PINX1: variants seen among roughly 807,000 people sequenced by gnomAD.
The protein encoded by PINX1 is PIN2/TERF1-interacting telomerase inhibitor 1.
PINX1 carries 34 observed loss-of-function variants against 25.4 expected under a neutral mutation model. The observed-to-expected ratio is 1.34, with a 90% CI of 1.02 to 1.78. PINX1 has a LOEUF of 1.78. Among genes scored for constraint, PINX1 ranks in the 40% most tolerant of loss-of-function variants. The probability of loss-of-function intolerance (pLI) is 0.00; values close to 1 mark genes in which losing one functional copy is unlikely to be tolerated. For synonymous variants in PINX1, 197 were observed against 147.7 expected, an observed-to-expected ratio of 1.33 and a Z score of -2.42; for missense variants, 592 against 404.9, an observed-to-expected ratio of 1.46 and a Z score of -3.97.
chr8:10,831,646 T>G lies in PINX1; in HGVS notation c.301+19A>C, dbSNP rs367930316. On this transcript the variant is annotated intron_variant, in intron 4 of 6. Transcript: ENST00000314787. ...TAAACATATTTGCATTGAGAACTTATGTCATCTGATTTCCCTACCTGTGGT... is the reference window on the plus strand; with the variant it reads ...TAAACATATTTGCATTGAGAACTTAGGTCATCTGATTTCCCTACCTGTGGT... The G allele has an allele frequency of 3.3e-6, 5 of 1,511,596 alleles. No individual in the cohort carries two copies. The highest frequency in any genetic ancestry group is 1.7e-4 in the Middle Eastern group (1 of 5,898). The allele number at this position is 1,511,596 out of a possible 1,614,324, so 93.6% of individuals were successfully genotyped here.
At chr8:10,800,684 G>A (rs1039869778) in intron 6 of PINX1, among the ~76,000 whole-genome samples, 2 of 152,064 alleles carry the variant, frequency 1.3e-5, no homozygotes, top group African/African-American at 4.8e-5. Context: ...TGGCCAGGCT[G>A]GTCTTGAACT....
chr8:10,828,652 G>C (rs1453331197), intron 4 of PINX1, among the ~76,000 whole-genome samples: 3 of 152,176 alleles, frequency 2.0e-5, no homozygotes, highest in African/African-American at 7.2e-5. Flanking sequence ...GTATCAAGAA[G>C]GATGCGTGAG....
At chr8:10,776,973 A>C (rs1801416400) in intron 6 of PINX1, among the ~76,000 whole-genome samples, 1 of 152,244 alleles carries the variant, frequency 6.6e-6, no homozygotes, top group Non-Finnish European at 1.5e-5. Context: ...AAAATAAGCC[A>C]GTGTTTTCCT....
chr8:10,799,272 A>G (rs1287007700), intron 6 of PINX1, among the ~76,000 whole-genome samples: 1 of 152,158 alleles, frequency 6.6e-6, no homozygotes, highest in East Asian at 1.9e-4. Context: ...GAATACAATC[A>G]TCAATTTAAG....
chr8:10,777,460 T>C (rs1282615348), intron 6 of PINX1, among the ~76,000 whole-genome samples: 1 of 152,330 alleles, frequency 6.6e-6, no homozygotes, highest in East Asian at 1.9e-4. Context: ...CCAGAGATTC[T>C]GTCCTCGGCA....
At position 10,765,602 on chromosome 8, in the gene PINX1, T is replaced by G. The variant is rs942751905; in HGVS notation, c.786A>C (p.Arg262Ser). Residue 262 changes from arginine (R) to serine (S), a missense_variant, in exon 7 of 7, where the codon AGA becomes AGC. By Grantham distance (110) the Arg-to-Ser change is moderately radical (BLOSUM62 -1). Transcript: ENST00000314787. ...TGGAACTCTGGTCCCAGCAGGGGCC[T>G]CTGAGCTGCTCTTCTGCTGGCGCGC... ...KKSAPAEEQL[R>S]GPCWDQSSKA... The G allele has an allele frequency of 9.9e-6, 16 of 1,613,662 alleles. No individual in the cohort carries two copies. The African/African-American group carries it at 2.1e-4, about 22-fold the overall frequency.
chr8:10,806,799 G>A (rs1403777442), intron 6 of PINX1, among the ~76,000 whole-genome samples: 2 of 152,118 alleles, frequency 1.3e-5, no homozygotes, highest in Non-Finnish European at 2.9e-5. Context: ...TGACAGGAGG[G>A]AGGCCAGGGC....
At chr8:10,808,668 T>C (rs1802531897) in intron 6 of PINX1, among the ~76,000 whole-genome samples, 1 of 152,320 alleles carries the variant, frequency 6.6e-6, no homozygotes, top group South Asian at 2.1e-4. Flanking sequence ...ACTCACGCAA[T>C]GTGGACCAGA....
chr8:10,828,058 G>C (rs369489961), intron 4 of PINX1, among the ~76,000 whole-genome samples: 2 of 152,122 alleles, frequency 1.3e-5, no homozygotes, highest in Non-Finnish European at 2.9e-5. Flanking sequence ...ACCCCTCCCA[G>C]GAGTCACTTA....
intron 4 of PINX1, among the ~76,000 whole-genome samples, chr8:10,827,674 C>T (rs1390702513): frequency 6.6e-6 from 1 of 151,058 alleles, no homozygotes; most frequent in African/African-American, 2.4e-5. Context: ...TGGTAGGCCG[C>T]AGCAGGCAGA....
At chr8:10,781,707 G>T (rs1326277404) in intron 6 of PINX1, among the ~76,000 whole-genome samples, 1 of 152,186 alleles carries the variant, frequency 6.6e-6, no homozygotes, top group African/African-American at 2.4e-5. Flanking sequence ...CAAGAGTGTG[G>T]AGAAACAGGA....
rs1235313149 is a variant in PINX1, at chr8:10,839,867, G to T, written c.-111C>A. On this transcript the variant is annotated 5_prime_UTR_variant, in exon 1 of 7. Coordinates refer to ENST00000314787, the MANE Select transcript of PINX1 (RefSeq NM_017884.6). ...TGCGTAACTCCCTCGCCGGCGGACT[G>T]CAGCGGACGGGGCGCGTGCTGGTGA... The T allele has an allele frequency of 9.4e-7, 1 of 1,066,630 alleles. No individual in the cohort carries two copies. The highest frequency in any genetic ancestry group is 1.3e-6 in the Non-Finnish European group (1 of 740,842). The allele number at this position is 1,066,630 out of a possible 1,614,324, so 66.1% of individuals were successfully genotyped here.
At chr8:10,818,576 G>T (rs1797771038) in intron 6 of PINX1, among the ~76,000 whole-genome samples, 1 of 152,148 alleles carries the variant, frequency 6.6e-6, no homozygotes, top group Admixed American at 6.5e-5. Flanking sequence ...TGTCCGGGAG[G>T]GCAAAGGCTG....
At chr8:10,769,738 G>A (rs1169440709) in intron 6 of PINX1, among the ~76,000 whole-genome samples, 6 of 152,200 alleles carry the variant, frequency 3.9e-5, no homozygotes, top group African/African-American at 1.2e-4. Flanking sequence ...CTCACAGCTG[G>A]AACACAGCAG....
At chr8:10,808,675 C>T (rs1264215681) in intron 6 of PINX1, among the ~76,000 whole-genome samples, 1 of 152,152 alleles carries the variant, frequency 6.6e-6, no homozygotes, top group East Asian at 1.9e-4. Context: ...CAATGTGGAC[C>T]AGAAGCTGGA....
intron 6 of PINX1, among the ~76,000 whole-genome samples, chr8:10,768,983 C>T (rs1414852551): frequency 6.6e-6 from 1 of 152,038 alleles, no homozygotes; most frequent in African/African-American, 2.4e-5. Flanking sequence ...ACACAATACA[C>T]CTCAAAAAAT....
intron 1 of PINX1, among the ~76,000 whole-genome samples, chr8:10,838,426 AC>A (rs1025241498): frequency 7.9e-5 from 12 of 152,224 alleles, no homozygotes; most frequent in African/African-American, 2.9e-4. Flanking sequence ...AGCATTTTAC[AC>A]CTCTATACTT....
chr8:10,822,706 G>C (rs897633472), intron 5 of PINX1, among the ~76,000 whole-genome samples: 1 of 152,078 alleles, frequency 6.6e-6, no homozygotes. Flanking sequence ...ATTGACACGA[G>C]AACTTAGGAA....
At chr8:10,797,355 A>C (rs1802118205) in intron 6 of PINX1, among the ~76,000 whole-genome samples, 1 of 152,192 alleles carries the variant, frequency 6.6e-6, no homozygotes, top group African/African-American at 2.4e-5. Flanking sequence ...TGACTGTGTG[A>C]CAGAAAGGGT....
Sources: allele counts gnomAD v4.1 joint callset (sites outside exome capture counted in the v4.1 genomes callset), GRCh38; gene constraint gnomAD v4.1.1; transcripts MANE v1.5; gene names NCBI Gene and HGNC (gene_info 2026-07-23, HGNC 2026-07-21).